GALNTL6: variants seen among roughly 807,000 people sequenced by gnomAD.
GALNTL6 encodes polypeptide N-acetylgalactosaminyltransferase like 6.
A neutral mutation model predicts 73.7 loss-of-function variants in GALNTL6; 46 were observed. The observed-to-expected ratio is 0.62, with a 90% CI of 0.49 to 0.80. GALNTL6 has a LOEUF of 0.80. Among genes scored for constraint, GALNTL6 ranks in the 30% least tolerant of loss-of-function variants. The probability of loss-of-function intolerance (pLI) is 0.00; values close to 1 mark genes in which losing one functional copy is unlikely to be tolerated. For missense variants in GALNTL6, 604 were observed against 755.0 expected (o/e 0.80, Z 2.34); for synonymous variants, 259 against 263.7 (o/e 0.98, Z 0.17).
At chr4:172,551,534 C>T (rs1038417916) in intron 5 of GALNTL6, among the ~76,000 whole-genome samples, 1 of 151,960 alleles carries the variant, frequency 6.6e-6, no homozygotes, top group Admixed American at 6.6e-5. Flanking sequence ...TTTATGCTAA[C>T]AATGTAAATA....
intron 5 of GALNTL6, among the ~76,000 whole-genome samples, chr4:172,641,207 C>A (rs1285952374): frequency 6.6e-6 from 1 of 152,122 alleles, no homozygotes; most frequent in Non-Finnish European, 1.5e-5. Context: ...AGGTCTTCCT[C>A]TTGCTTCTTT....
At chr4:171,973,933 G>A (rs1005896098) in intron 2 of GALNTL6, among the ~76,000 whole-genome samples, 4 of 152,126 alleles carry the variant, frequency 2.6e-5, no homozygotes, top group Non-Finnish European at 4.4e-5. Flanking sequence ...AGCAAATTCT[G>A]TTTTAGACTA....
intron 2 of GALNTL6, among the ~76,000 whole-genome samples, chr4:171,889,091 A>T (rs961726905): frequency 6.6e-6 from 1 of 152,086 alleles, no homozygotes; most frequent in Non-Finnish European, 1.5e-5. Flanking sequence ...AGTATTTAGC[A>T]GCTGTTAAAT....
At chr4:172,793,750 G>C (rs756187198) in intron 5 of GALNTL6, among the ~76,000 whole-genome samples, 1 of 152,102 alleles carries the variant, frequency 6.6e-6, no homozygotes, top group Non-Finnish European at 1.5e-5. Context: ...TTCTGTACTC[G>C]TCACTTTCTG....
At position 172,888,052 on chromosome 4, in the gene GALNTL6, G is replaced by C. The variant is rs114657401; in HGVS notation, c.1041+5145G>C. On this transcript the variant is annotated intron_variant, in intron 8 of 12. Coordinates refer to ENST00000506823, the MANE Select transcript of GALNTL6 (RefSeq NM_001034845.3). ...TTAGCAGGGTTGTTTTTCACTTGTT[G>C]ATTCATTTAGGTTCCTTATGGATTC... Among the ~76,000 whole-genome samples the C allele has an allele frequency of 5.8e-3, 877 of 152,172 alleles. 7 individuals are homozygous for C. Among genetic ancestry groups the C allele is most frequent in the African/African-American group, 0.02 (822 of 41,524 alleles).
At chr4:171,901,015 T>C (rs1013903797) in intron 2 of GALNTL6, among the ~76,000 whole-genome samples, 11 of 152,096 alleles carry the variant, frequency 7.2e-5, no homozygotes, top group African/African-American at 2.4e-4. Flanking sequence ...CCAGGAAGAC[T>C]GATAATAAAG....
At chr4:172,627,934 C>G (rs1458389016) in intron 5 of GALNTL6, among the ~76,000 whole-genome samples, 1 of 3,972 alleles carries the variant, frequency 2.5e-4, no homozygotes, top group East Asian at 9.3e-3. Flanking sequence ...CTTGTTTATC[C>G]TTTCAAAAAA....
intron 2 of GALNTL6, among the ~76,000 whole-genome samples, chr4:171,878,828 C>T (rs1399454839): frequency 6.6e-6 from 1 of 152,082 alleles, no homozygotes; most frequent in African/African-American, 2.4e-5. Context: ...ACACCATTCT[C>T]CTTGGCACTG....
At chr4:172,972,816 C>A (rs988422945) in intron 10 of GALNTL6, among the ~76,000 whole-genome samples, 1 of 151,944 alleles carries the variant, frequency 6.6e-6, no homozygotes, top group African/African-American at 2.4e-5. Context: ...AAAAAGTGAC[C>A]CCATTAATTA....
intron 2 of GALNTL6, among the ~76,000 whole-genome samples, chr4:171,968,838 G>T (rs1289545477): frequency 8.6e-6 from 1 of 115,706 alleles, no homozygotes. Flanking sequence ...TTTTTGTGCG[G>T]GGTGGGGGGG....
intron 2 of GALNTL6, among the ~76,000 whole-genome samples, chr4:172,119,109 T>A (rs1380264775): frequency 6.6e-6 from 1 of 152,166 alleles, no homozygotes; most frequent in African/African-American, 2.4e-5. Flanking sequence ...TTGGTTTCAA[T>A]ATTACACTAT....
intron 2 of GALNTL6, among the ~76,000 whole-genome samples, chr4:172,222,636 G>C (rs1310154107): frequency 6.6e-6 from 1 of 151,768 alleles, no homozygotes; most frequent in Non-Finnish European, 1.5e-5. Context: ...CTCTCTACGA[G>C]CCTGTGTTGT....
At chr4:172,637,884 C>T (rs1302725789) in intron 5 of GALNTL6, among the ~76,000 whole-genome samples, 1 of 152,114 alleles carries the variant, frequency 6.6e-6, no homozygotes, top group Non-Finnish European at 1.5e-5. Flanking sequence ...CTTTAATCTC[C>T]TATTGGACCC....
chr4:172,881,171 G>T (rs928200874), intron 7 of GALNTL6, among the ~76,000 whole-genome samples: 4 of 152,184 alleles, frequency 2.6e-5, no homozygotes, highest in African/African-American at 9.7e-5. Flanking sequence ...AATTGGTAAA[G>T]TGTTCTTTGG....
chr4:172,069,636 A>T lies in GALNTL6; in HGVS notation c.139-160020A>T. ...ATATATAACATATATATATATCCTA[A>T]ATTTCCTCATACATAGTATCTGACA... On this transcript the variant is annotated intron_variant, in intron 2 of 12. Transcript: ENST00000506823. Among the ~76,000 whole-genome samples the T allele has an allele frequency of 1.3e-4, 6 of 47,612 alleles. 3 individuals are homozygous for T. The highest frequency in any genetic ancestry group is 2.2e-4 in the Non-Finnish European group (4 of 18,206). 31.2% of individuals were successfully genotyped at this position (47,612 alleles called of 152,430 possible). A position where few individuals can be genotyped will look rare whatever the true frequency, so the allele number is the denominator to read the frequency against.
In GALNTL6 at chr4:172,929,353, A is replaced by G. The variant is rs185796655; in HGVS notation, c.1042-1808A>G. On this transcript the variant is annotated intron_variant, in intron 8 of 12. Coordinates refer to ENST00000506823, the MANE Select transcript of GALNTL6 (RefSeq NM_001034845.3). ...GTTGGAAGCAAATATAAAGGAAAAC[A>G]TAAGCATTTCTCTTTCTCTCTTTCA... is the stretch of plus-strand genomic sequence containing the variant. 3.5e-3 allele frequency among the ~76,000 whole-genome samples: 529 copies of G among 152,344 alleles called. 2 individuals carry two copies. The highest frequency in any genetic ancestry group is 0.012 in the African/African-American group (505 of 41,570).
chr4:172,217,886 T>G (rs577771178), intron 2 of GALNTL6, among the ~76,000 whole-genome samples: 92 of 152,264 alleles, frequency 6.0e-4, no homozygotes, highest in African/African-American at 2.2e-3. Flanking sequence ...TATTGAATGT[T>G]TACTGTAGGT....
At chr4:172,151,577 AAC>A (rs1484905216) in intron 2 of GALNTL6, among the ~76,000 whole-genome samples, 12 of 152,348 alleles carry the variant, frequency 7.9e-5, no homozygotes, top group African/African-American at 2.9e-4. Context: ...GACATTTATA[AAC>A]AGTTTCAGAA....
chr4:172,639,926 C>T (rs1448382561), intron 5 of GALNTL6, among the ~76,000 whole-genome samples: 1 of 152,084 alleles, frequency 6.6e-6, no homozygotes, highest in Non-Finnish European at 1.5e-5. Context: ...TATATTAGAT[C>T]ATGCCAACAG....
Sources: allele counts gnomAD v4.1 joint callset (sites outside exome capture counted in the v4.1 genomes callset), GRCh38; gene constraint gnomAD v4.1.1; transcripts MANE v1.5; gene names NCBI Gene and HGNC (gene_info 2026-07-23, HGNC 2026-07-21).